Variants in CWH43 observed in about 807,000 individuals in gnomAD.
CWH43 encodes PGAP2-interacting protein.
In CWH43, 91 loss-of-function variants were observed where a neutral mutation model predicts 85.7. The ratio of observed to expected loss-of-function variants is 1.06; its 90% CI spans 0.90 to 1.26. The LOEUF (loss-of-function observed/expected upper bound fraction) is 1.26, where lower values mean the gene tolerates loss of function less well. Among genes scored for constraint, CWH43 ranks in the 50% most tolerant of loss-of-function variants. The pLI, the probability that CWH43 is intolerant of heterozygous loss-of-function variation, is 0.00. For missense variants in CWH43, 869 were observed against 839.2 expected, an observed-to-expected ratio of 1.04 and a Z score of -0.44; for synonymous variants, 323 against 293.6, an observed-to-expected ratio of 1.10 and a Z score of -1.02.
At chr4:49,005,875 C>A (rs991594161) in intron 7 of CWH43, among the ~76,000 whole-genome samples, 18 of 152,166 alleles carry the variant, frequency 1.2e-4, no homozygotes, top group African/African-American at 4.3e-4. Context: ...GACTACTCTG[C>A]ACATTTTGCC....
intron 1 of CWH43, among the ~76,000 whole-genome samples, chr4:48,987,652 G>A (rs1782536777): frequency 1.3e-5 from 2 of 152,196 alleles, no homozygotes; most frequent in Admixed American, 6.5e-5. Flanking sequence ...GATGGTACAT[G>A]TTAATACTTA....
Position 49,030,905 on chromosome 4 carries a change from GA to G in CWH43, c.1457del (p.Lys486SerfsTer28). ...GNNDLTMWLG[E>X]KLGFYTDFGP... ...CAATGACTTAACCATGTGGCTAGGG[GA>G]AAAGTTGGGTTTCTATACAGACTTT... On this transcript the variant is annotated frameshift_variant, in exon 11 of 16. Coordinates refer to ENST00000226432, the MANE Select transcript of CWH43 (RefSeq NM_025087.3). LOFTEE classifies it high-confidence loss of function. The G allele has an allele frequency of 2.5e-6, 4 of 1,611,326 alleles. No individual in the cohort carries two copies. The highest frequency in any genetic ancestry group is 3.4e-6 in the Non-Finnish European group (4 of 1,178,890).
intron 5 of CWH43, among the ~76,000 whole-genome samples, chr4:48,998,059 C>T (rs909487678): frequency 5.3e-5 from 8 of 151,774 alleles, no homozygotes; most frequent in Admixed American, 1.3e-4. Flanking sequence ...TTGGGAAGGC[C>T]GAGACTCTAG....
At chr4:49,035,126 C>T (rs973193555) in intron 12 of CWH43, among the ~76,000 whole-genome samples, 8 of 152,066 alleles carry the variant, frequency 5.3e-5, no homozygotes, top group East Asian at 1.9e-4. Flanking sequence ...GACGTGATCA[C>T]GACATGTTTT....
chr4:49,023,588 G>A (rs993917701), intron 9 of CWH43, among the ~76,000 whole-genome samples: 10 of 152,076 alleles, frequency 6.6e-5, no homozygotes, highest in Non-Finnish European at 1.5e-4. Flanking sequence ...TGTTGGTCCG[G>A]CTGGTCTTGA....
chr4:49,025,625 T>C (rs1359161144), intron 9 of CWH43, among the ~76,000 whole-genome samples: 2 of 152,212 alleles, frequency 1.3e-5, no homozygotes, highest in Non-Finnish European at 2.9e-5. Flanking sequence ...ATTTCTTTTC[T>C]GGATCTAGCT....
Position 49,053,755 on chromosome 4 carries a change from AACTTTTTGAGC to A in CWH43, c.2021+2910_2021+2920del, listed in dbSNP as rs1319411868. ...AAATCTGAAATGCTCCAAAATTCAA[AACTTTTTGAGC>A]ACTGACACAGTGCTCTAAGGAAATG... On this transcript the variant is annotated intron_variant, in intron 15 of 15. Coordinates refer to ENST00000226432, the MANE Select transcript of CWH43 (RefSeq NM_025087.3). 2.0e-5 allele frequency among the ~76,000 whole-genome samples: 3 copies of A among 152,130 alleles called. No homozygotes were observed. The East Asian group carries it at 5.8e-4, about 29-fold the overall frequency.
chr4:48,986,692 G>C (rs1394796159), intron 1 of CWH43: 2 of 1,341,986 alleles, frequency 1.5e-6, no homozygotes, highest in African/African-American at 1.5e-5. Context: ...CGAGGCGCCC[G>C]CGAGAGACCC....
intron 7 of CWH43, among the ~76,000 whole-genome samples, chr4:49,005,459 G>A (rs1397205817): frequency 1.3e-5 from 2 of 151,966 alleles, no homozygotes; most frequent in Non-Finnish European, 2.9e-5. Context: ...TTGAATGGGG[G>A]AAACATCATA....
chr4:49,017,022 G>A, intron 8 of CWH43: 1 of 764,928 alleles, frequency 1.3e-6, no homozygotes, highest in Non-Finnish European at 2.4e-6. Context: ...GATATAGGCA[G>A]TTGGGGGAGA....
At chr4:48,994,326 C>T (rs1343476134) in intron 4 of CWH43, among the ~76,000 whole-genome samples, 1 of 152,200 alleles carries the variant, frequency 6.6e-6, no homozygotes, top group East Asian at 1.9e-4. Flanking sequence ...ACTTTTTCTG[C>T]AATGCGTTAG....
intron 13 of CWH43, among the ~76,000 whole-genome samples, chr4:49,039,364 C>CTGA (rs1784379099): frequency 1.8e-5 from 1 of 54,680 alleles, no homozygotes; most frequent in Admixed American, 2.4e-4. Context: ...TATATATATA[C>CTGA]TGATGTATAT....
At chr4:49,012,881 C>T (rs1378486050) in intron 8 of CWH43, among the ~76,000 whole-genome samples, 2 of 152,182 alleles carry the variant, frequency 1.3e-5, no homozygotes, top group Non-Finnish European at 2.9e-5. Flanking sequence ...TAGATTGGCA[C>T]CCACCTGTAT....
rs770681521 is a variant in CWH43 at position 49,028,645 on chromosome 4, T to G, written c.1283T>G (p.Val428Gly). Reference sequence around the variant, plus strand: ...ATTCCTCAGGCACCAACCAAAGAGGTCTCTGCTGCCATCTGGCCTTTCAGG... The same window carrying G: ...ATTCCTCAGGCACCAACCAAAGAGGGCTCTGCTGCCATCTGGCCTTTCAGG... ...KLGKVAPTKE[V>G]SAAIWPFRFG... Residue 428 changes from valine (V) to glycine (G), a missense_variant, in exon 10 of 16, where the codon GTC becomes GGC. Coordinates refer to ENST00000226432, the MANE Select transcript of CWH43 (RefSeq NM_025087.3). 5.0e-6 allele frequency: 8 copies of G among 1,613,232 alleles called. No individual in the cohort carries two copies. The highest frequency in any genetic ancestry group is 1.7e-6 in the Non-Finnish European group (2 of 1,179,538).
rs1172090568 is a variant in CWH43, at chr4:49,034,509, G to C, written c.1658+1794G>C. On this transcript the variant is annotated intron_variant, in intron 12 of 15. Coordinates refer to ENST00000226432, the MANE Select transcript of CWH43 (RefSeq NM_025087.3). Reference sequence around the variant, plus strand: ...GAAGGATTGCCTTTTCTCACTTTCTGTTAACCACCTACTTAAAGCTCTCTG... The same window carrying C: ...GAAGGATTGCCTTTTCTCACTTTCTCTTAACCACCTACTTAAAGCTCTCTG... Among the ~76,000 whole-genome samples, 6 of 152,136 alleles carry C rather than the reference G, an allele frequency of 3.9e-5. No individual in the cohort carries two copies. The East Asian group carries it at 1.2e-3, about 29-fold the overall frequency.
At chr4:49,001,036 G>C (rs1358246754) in intron 6 of CWH43, among the ~76,000 whole-genome samples, 1 of 152,164 alleles carries the variant, frequency 6.6e-6, no homozygotes, top group Non-Finnish European at 1.5e-5. Context: ...AATGCAAGCT[G>C]TGGCCAAAGA....
intron 8 of CWH43, 129 bp from the exon 9 acceptor site, chr4:49,017,120 A>C (rs1783574112): frequency 1.3e-6 from 1 of 788,900 alleles, no homozygotes; most frequent in African/African-American, 1.7e-5. Flanking sequence ...TTCATCTTCC[A>C]GGTCCTCCAA....
At chr4:48,993,868 ACT>A (rs1243554598) in intron 4 of CWH43, among the ~76,000 whole-genome samples, 1 of 150,968 alleles carries the variant, frequency 6.6e-6, no homozygotes, top group African/African-American at 2.4e-5. Context: ...GATTCTCCTG[ACT>A]CAGCCTCCCG....
intron 15 of CWH43, among the ~76,000 whole-genome samples, chr4:49,051,341 C>G (rs953276866): frequency 6.6e-6 from 1 of 152,140 alleles, no homozygotes; most frequent in African/African-American, 2.4e-5. Flanking sequence ...CTATTAGCAT[C>G]GTTGGGTTGC....
Sources: allele counts gnomAD v4.1 joint callset (sites outside exome capture counted in the v4.1 genomes callset), GRCh38; gene constraint gnomAD v4.1.1; transcripts MANE v1.5; gene names NCBI Gene and HGNC (gene_info 2026-07-23, HGNC 2026-07-21).